Variants in MAPKBP1 observed in about 807,000 individuals in gnomAD.
MAPKBP1 encodes mitogen-activated protein kinase binding protein 1, also known as mitogen-activated protein kinase-binding protein 1.
Under a neutral mutation model 170.5 loss-of-function variants are expected in MAPKBP1, and 71 were observed. The observed-to-expected ratio is 0.42, with a 90% CI of 0.34 to 0.51. The LOEUF is 0.51. Among genes scored for constraint, MAPKBP1 ranks in the 20% least tolerant of loss-of-function variants. The pLI, the probability that MAPKBP1 is intolerant of heterozygous loss-of-function variation, is 0.06. For synonymous variants in MAPKBP1, 719 were observed against 757.9 expected, an observed-to-expected ratio of 0.95 and a Z score of 0.84; for missense variants, 1,598 against 1,933.0, an observed-to-expected ratio of 0.83 and a Z score of 3.25.
rs2064588424 is a variant in MAPKBP1 at position 41,801,249 on chromosome 15, AGT to A, written c.206+1337_206+1338del. ...CAGTGCCATAGAAGAGAAGTAGGGG[AGT>A]GGGGCTACTATTCTTTCTCTTGCTG... On this transcript the variant is annotated intron_variant, in intron 3 of 30. Coordinates refer to ENST00000457542, the MANE Select transcript of MAPKBP1 (RefSeq NM_014994.3). Among the ~76,000 whole-genome samples, 3 of 152,214 alleles carry A rather than the reference AGT, an allele frequency of 2.0e-5. No individual in the cohort carries two copies. The South Asian group carries it at 6.2e-4, about 32-fold the overall frequency.
Position 41,818,126 on chromosome 15 carries a change from G to C in MAPKBP1, c.1980+42G>C. The C allele has an allele frequency of 1.2e-6, 2 of 1,611,626 alleles. No individual in the cohort carries two copies. Among genetic ancestry groups the C allele is most frequent in the Non-Finnish European group, 8.5e-7 (1 of 1,177,730 alleles). The stretch of plus-strand genomic sequence containing the variant: ...GGTACTGGACAGGGGCTCGGGGACA[G>C]AGTGGTGCTGGGTGGGAGGGACTGG... On this transcript the variant is annotated intron_variant, in intron 17 of 30. Transcript: ENST00000457542. This position sits in a 1 kb window ranked among gnomAD's most constrained non-coding sequence, Gnocchi z 5.2.
intron 2 of MAPKBP1, among the ~76,000 whole-genome samples, chr15:41,795,280 G>A (rs1485932516): frequency 6.6e-6 from 1 of 152,146 alleles, no homozygotes; most frequent in Non-Finnish European, 1.5e-5. Flanking sequence ...AGACCTTTGA[G>A]CAAAGACTTC....
At chr15:41,785,864 C>G (rs895345648) in intron 2 of MAPKBP1, among the ~76,000 whole-genome samples, 4 of 152,070 alleles carry the variant, frequency 2.6e-5, no homozygotes, top group Non-Finnish European at 5.9e-5. Context: ...ATATTCATAC[C>G]TTTTGATTCA....
At chr15:41,806,308 G>A (rs542713500) in intron 3 of MAPKBP1, among the ~76,000 whole-genome samples, 1 of 152,272 alleles carries the variant, frequency 6.6e-6, no homozygotes, top group African/African-American at 2.4e-5. Context: ...TTTGAGCGAG[G>A]CCAGAAGCCC....
chr15:41,776,346 A>C (rs2064097672), intron 2 of MAPKBP1, among the ~76,000 whole-genome samples: 1 of 152,248 alleles, frequency 6.6e-6, no homozygotes, highest in Admixed American at 6.5e-5. Flanking sequence ...GGAATGATTT[A>C]GAATGCCACT....
chr15:41,818,639 C>T lies in MAPKBP1; in HGVS notation c.2156+57C>T, dbSNP rs112099636. 1.6e-5 allele frequency: 25 copies of T among 1,546,728 alleles called. No homozygotes were observed. The African/African-American group carries it at 2.0e-4, about 13-fold the overall frequency. ...ATTCTTACTCTGCCACAGCACCCTG[C>T]CCTCCCCTCTCTCCATTTCAGTGAT... On this transcript the variant is annotated intron_variant, in intron 19 of 30. Coordinates refer to ENST00000457542, the MANE Select transcript of MAPKBP1 (RefSeq NM_014994.3). The surrounding 1 kb of genome is among the most constrained non-coding windows in gnomAD (Gnocchi z 5.2).
chr15:41,794,890 C>T (rs1414845478), intron 2 of MAPKBP1, among the ~76,000 whole-genome samples: 3 of 152,024 alleles, frequency 2.0e-5, no homozygotes, highest in African/African-American at 7.2e-5. Flanking sequence ...GGTGGCCGGG[C>T]GTGATGGCTC....
At chr15:41,791,609 G>T (rs1036520118) in intron 2 of MAPKBP1, among the ~76,000 whole-genome samples, 2 of 152,244 alleles carry the variant, frequency 1.3e-5, no homozygotes, top group African/African-American at 4.8e-5. Context: ...GTCTAGGATT[G>T]TATGTTTAGG....
At position 41,817,520 on chromosome 15, in the gene MAPKBP1, A is replaced by G; in HGVS notation, c.1782+62A>G. 6.2e-7 allele frequency: 1 copy of G among 1,613,532 alleles called. No homozygotes were observed. The highest frequency in any genetic ancestry group is 1.1e-5 in the South Asian group (1 of 91,066). ...GGGCGGGGTCTGCCATTCCCTGCCT[A>G]AGGTTACAAGAGGTGAAGGGAGGCG... On this transcript the variant is annotated intron_variant, in intron 15 of 30. Transcript: ENST00000457542. The surrounding 1 kb of genome is among the most constrained non-coding windows in gnomAD (Gnocchi z 4.2).
chr15:41,812,728 C>A, intron 7 of MAPKBP1, 75 bp downstream of exon 7: 1 of 1,512,534 alleles, frequency 6.6e-7, no homozygotes, highest in South Asian at 1.3e-5. Context: ...GAGACTCTGC[C>A]CCACTTGGGC....
chr15:41,821,535 G>GC (rs771322410), intron 23 of MAPKBP1, 49 bp from the exon 24 acceptor site: 1 of 1,562,506 alleles, frequency 6.4e-7, no homozygotes, highest in Non-Finnish European at 8.8e-7. Context: ...AGCTACCACT[G>GC]CCTCATCTGT....
In MAPKBP1 at chr15:41,825,719, C is replaced by A. The variant is rs3743027; in HGVS notation, c.*283C>A. 300 of 361,594 alleles carry A rather than the reference C, an allele frequency of 8.3e-4. 8 individuals are homozygous for A. The East Asian group carries it at 0.014, about 16-fold the overall frequency. 22.4% of individuals were successfully genotyped at this position (361,594 alleles called of 1,614,324 possible). On this transcript the variant is annotated 3_prime_UTR_variant, in exon 31 of 31. Transcript: ENST00000457542. Reference sequence around the variant, plus strand: ...CTTGGTGCTGTGAGAGGTAGGAGGGCAGCCTGCCCCATCTAGGAATCTGGG... The same window carrying A: ...CTTGGTGCTGTGAGAGGTAGGAGGGAAGCCTGCCCCATCTAGGAATCTGGG...
chr15:41,818,429 G>A lies in MAPKBP1; in HGVS notation c.2093-90G>A. On this transcript the variant is annotated intron_variant, in intron 18 of 30. Transcript: ENST00000457542. The surrounding 1 kb of genome is among the most constrained non-coding windows in gnomAD (Gnocchi z 5.2). Reference sequence around the variant, plus strand: ...CCGCAGAGCTACCTATCCCTACCCTGCAGCCAACCCCCGTGTCCACTGTTG... The same window carrying A: ...CCGCAGAGCTACCTATCCCTACCCTACAGCCAACCCCCGTGTCCACTGTTG... The A allele has an allele frequency of 2.8e-6, 4 of 1,450,670 alleles. No homozygotes were observed. The highest frequency in any genetic ancestry group is 1.2e-5 in the South Asian group (1 of 83,426). The allele number at this position is 1,450,670 out of a possible 1,614,324, so 89.9% of individuals were successfully genotyped here.
intron 2 of MAPKBP1, among the ~76,000 whole-genome samples, chr15:41,779,133 T>C (rs2064142138): frequency 6.6e-6 from 1 of 152,198 alleles, no homozygotes; most frequent in Non-Finnish European, 1.5e-5. Context: ...GTGGGTTTCA[T>C]GAAGGAGAAA....
intron 3 of MAPKBP1, among the ~76,000 whole-genome samples, chr15:41,808,472 T>C (rs1290368158): frequency 1.3e-5 from 2 of 151,328 alleles, no homozygotes; most frequent in African/African-American, 4.9e-5. Flanking sequence ...ATCTTGCTTT[T>C]GTCGTACTTT....
chr15:41,827,639 C>G lies in MAPKBP1; in HGVS notation c.*2203C>G, dbSNP rs2277534. 6.5e-6 allele frequency: 1 copy of G among 153,146 alleles called. No individual in the cohort carries two copies. The highest frequency in any genetic ancestry group is 1.5e-5 in the Non-Finnish European group (1 of 68,668). 9.5% of individuals were successfully genotyped at this position (153,146 alleles called of 1,614,324 possible). ...GGGCCTCGTGGCCCGGCCGGCGCCC[C>G]GTCCCCTTCTGCATGTCTGAGGCCA... On this transcript the variant is annotated 3_prime_UTR_variant, in exon 31 of 31. Transcript: ENST00000457542.
Position 41,825,656 on chromosome 15 carries a change from C to T in MAPKBP1, c.*220C>T, listed in dbSNP as rs1272188718. The T allele has an allele frequency of 2.0e-6, 1 of 503,118 alleles. No individual in the cohort carries two copies. The highest frequency in any genetic ancestry group is 3.4e-5 in the East Asian group (1 of 29,642). 31.2% of individuals were successfully genotyped at this position (503,118 alleles called of 1,614,324 possible). On this transcript the variant is annotated 3_prime_UTR_variant, in exon 31 of 31. Transcript: ENST00000457542. ...TCCTTGGAACTCCTGCCTCCACAGC[C>T]CCTCCAGTGGCAGGGACAGGTCTTG... is the stretch of plus-strand genomic sequence containing the variant.
At chr15:41,787,599 C>G (rs564705607) in intron 2 of MAPKBP1, among the ~76,000 whole-genome samples, 2 of 152,260 alleles carry the variant, frequency 1.3e-5, no homozygotes, top group East Asian at 1.9e-4. Flanking sequence ...AACTCCTGAC[C>G]TTGTGATCCA....
intron 2 of MAPKBP1, among the ~76,000 whole-genome samples, chr15:41,789,387 AAG>A (rs1354094010): frequency 6.6e-6 from 1 of 152,180 alleles, no homozygotes; most frequent in Non-Finnish European, 1.5e-5. Context: ...GTGGAAGAGA[AAG>A]AGAGGGCAGA....
Sources: gnomAD v4.1 joint callset for allele counts (sites outside exome capture counted in the v4.1 genomes callset) on GRCh38, gnomAD v4.1.1 for gene constraint, Gnocchi (gnomAD v3.1) non-coding constraint, MANE v1.5 for transcripts, NCBI Gene and HGNC (gene_info 2026-07-23, HGNC 2026-07-21) for gene names.